The following SLC17A9 variants were observed in gnomAD, a reference collection of about 807,000 sequenced individuals.
The protein encoded by SLC17A9 is solute carrier family 17 member 9.
Under a neutral mutation model 55.0 loss-of-function variants are expected in SLC17A9, and 49 were observed. That is an observed-to-expected ratio of 0.89 (90% CI 0.71 to 1.13). The LOEUF is 1.13. Among genes scored for constraint, SLC17A9 ranks in the 50% most tolerant of loss-of-function variants. The pLI is 0.00. For missense variants in SLC17A9, 526 were observed against 569.3 expected (o/e 0.92, Z 0.77); for synonymous variants, 256 against 247.4 (o/e 1.03, Z -0.32).
intron 1 of SLC17A9, among the ~76,000 whole-genome samples, chr20:62,954,142 C>T (rs865919033): frequency 1.7e-5 from 2 of 116,726 alleles, no homozygotes; most frequent in South Asian, 2.6e-4. Flanking sequence ...GCCTTCACTA[C>T]GTCCCTCCCA....
chr20:62,955,368 G>A (rs965275804), intron 1 of SLC17A9, among the ~76,000 whole-genome samples: 11 of 151,932 alleles, frequency 7.2e-5, no homozygotes, highest in Non-Finnish European at 1.6e-4. Flanking sequence ...GGCTGGTCTC[G>A]AACTCCTGAC....
chr20:62,965,272 C>T lies in SLC17A9; in HGVS notation c.945+106C>T, dbSNP rs554172529. On this transcript the variant is annotated intron_variant, in intron 9 of 12. Coordinates refer to ENST00000370351, the MANE Select transcript of SLC17A9 (RefSeq NM_022082.4). ...AAGTCACCTGATATCTGGGACCAGG[C>T]AAATGCCAGGCCTCTCCATGTGTCC... is the stretch of plus-strand genomic sequence containing the variant. 2.1e-6 allele frequency: 3 copies of T among 1,443,042 alleles called. No homozygotes were observed. The Admixed American group carries it at 5.1e-5, about 25-fold the overall frequency. 89.4% of individuals were successfully genotyped at this position (1,443,042 alleles called of 1,614,324 possible).
intron 10 of SLC17A9, 42 bp downstream of exon 10, chr20:62,965,767 C>A (rs750554770): frequency 1.9e-6 from 3 of 1,585,442 alleles, no homozygotes; most frequent in Non-Finnish European, 2.6e-6. Flanking sequence ...CCGTGCTGCC[C>A]GCACGGCCGA....
At chr20:62,961,436 C>T (rs1002394748) in intron 4 of SLC17A9, among the ~76,000 whole-genome samples, 5 of 152,304 alleles carry the variant, frequency 3.3e-5, no homozygotes, top group Admixed American at 2.0e-4. Context: ...CTCCCTGCGC[C>T]CGCTCCTTGG....
chr20:62,967,630 C>T lies in SLC17A9; in HGVS notation c.*130C>T. On this transcript the variant is annotated 3_prime_UTR_variant, in exon 13 of 13. Transcript: ENST00000370351. ...AGAGGAACACAAACCACTGTGGAGC[C>T]TGAAGCTCCTTAAGAAGAGTCCACA... 1 of 582,220 alleles carries T rather than the reference C, an allele frequency of 1.7e-6. No individual in the cohort carries two copies. Among genetic ancestry groups the T allele is most frequent in the Non-Finnish European group, 2.5e-6 (1 of 396,652 alleles). 36.1% of individuals were successfully genotyped at this position (582,220 alleles called of 1,614,324 possible).
At chr20:62,957,046 T>C in intron 2 of SLC17A9, 84 bp downstream of exon 2, 7 of 1,585,158 alleles carry the variant, frequency 4.4e-6, no homozygotes, top group Non-Finnish European at 6.0e-6. Context: ...GCTGTGCTGC[T>C]GCACGCAGAG....
intron 3 of SLC17A9, among the ~76,000 whole-genome samples, chr20:62,959,293 C>T (rs116479159): frequency 0.022 from 3,280 of 152,318 alleles, 117 homozygotes; most frequent in African/African-American, 0.074. Flanking sequence ...CCCGTAGGCT[C>T]GCTGCCGCTC....
At chr20:62,966,327 T>C (rs1388661243) in intron 10 of SLC17A9, among the ~76,000 whole-genome samples, 198 bp from the exon 11 acceptor site, 1 of 145,070 alleles carries the variant, frequency 6.9e-6, no homozygotes, top group Non-Finnish European at 1.5e-5. Flanking sequence ...GCTGCAGTGC[T>C]CTGGCCAGTG....
chr20:62,954,886 A>G lies in SLC17A9; in HGVS notation c.60-1879A>G, dbSNP rs563653954. ...CTCAATGGGGGTGAGGATCAGTGCAACTGAGCTTTCTGCTGTTTCTAGCTA... is the reference window on the plus strand; with the variant it reads ...CTCAATGGGGGTGAGGATCAGTGCAGCTGAGCTTTCTGCTGTTTCTAGCTA... On this transcript the variant is annotated intron_variant, in intron 1 of 12. Coordinates refer to ENST00000370351, the MANE Select transcript of SLC17A9 (RefSeq NM_022082.4). Among the ~76,000 whole-genome samples, 229 of 152,334 alleles carry G rather than the reference A, an allele frequency of 1.5e-3. 3 individuals carry two copies. Among genetic ancestry groups the G allele is most frequent in the Middle Eastern group, 0.014 (4 of 294 alleles).
At chr20:62,959,881 C>T (rs1222460051) in intron 3 of SLC17A9, among the ~76,000 whole-genome samples, 1 of 152,226 alleles carries the variant, frequency 6.6e-6, no homozygotes, top group African/African-American at 2.4e-5. Context: ...AGGTCAGGCT[C>T]AGAGCCCTCT....
At position 62,953,858 on chromosome 20, in the gene SLC17A9, C is replaced by T. The variant is rs1210388334; in HGVS notation, c.59+969C>T. On this transcript the variant is annotated intron_variant, in intron 1 of 12. Coordinates refer to ENST00000370351, the MANE Select transcript of SLC17A9 (RefSeq NM_022082.4). Reference sequence around the variant, plus strand: ...GGCTGCATGGGAAAAGCTGGCAGCCCAGATCACAGCCCTGTCAGGCGCCAA... The same window carrying T: ...GGCTGCATGGGAAAAGCTGGCAGCCTAGATCACAGCCCTGTCAGGCGCCAA... Among the ~76,000 whole-genome samples, 6 of 152,366 alleles carry T rather than the reference C, an allele frequency of 3.9e-5. No homozygotes were observed. The East Asian group carries it at 1.2e-3, about 29-fold the overall frequency.
At position 62,965,163 on chromosome 20, in the gene SLC17A9, G is replaced by A. The variant is rs1373991823; in HGVS notation, c.942G>A (p.Met314Ile). 13 of 1,614,142 alleles carry A rather than the reference G, an allele frequency of 8.1e-6. No homozygotes were observed. Among genetic ancestry groups the A allele is most frequent in the Non-Finnish European group, 1.0e-5 (12 of 1,180,040 alleles). The change falls in exon 9 of 13, where the codon ATG (methionine) becomes ATA (isoleucine). Residue 314 changes from methionine to isoleucine, a missense_variant. Coordinates refer to ENST00000370351, the MANE Select transcript of SLC17A9 (RefSeq NM_022082.4). The stretch of plus-strand genomic sequence containing the variant: ...GAGCCATCACGGTGCGGAAGCTCAT[G>A]CAGGTAGGAGAATCATTCCGGTCGT... ...GYRAITVRKL[M>I]QGMGLGLSSV...
Position 62,965,703 on chromosome 20 carries a change from G to T in SLC17A9, c.1039G>T (p.Gly347Cys). The T allele has an allele frequency of 6.2e-7, 1 of 1,613,812 alleles. No individual in the cohort carries two copies. The highest frequency in any genetic ancestry group is 8.5e-7 in the Non-Finnish European group (1 of 1,179,992). Reference protein sequence around the residue: ...ESVVFASASIGLQTFNHSGIS... With the variant: ...ESVVFASASICLQTFNHSGIS... ...TGTGGTCTTTGCATCAGCCTCCATC[G>T]GCCTCCAGACCTTCAACCACAGGTG... The change falls in exon 10 of 13, where the codon GGC becomes TGC. Residue 347 changes from glycine (G) to cysteine (C), a missense_variant. Transcript: ENST00000370351.
intron 3 of SLC17A9, among the ~76,000 whole-genome samples, chr20:62,959,341 T>A (rs1030671621): frequency 1.3e-5 from 2 of 152,200 alleles, no homozygotes; most frequent in African/African-American, 4.8e-5. Flanking sequence ...CTTGTTGTGC[T>A]ACGATGACTT....
intron 8 of SLC17A9, among the ~76,000 whole-genome samples, chr20:62,964,735 A>T (rs1212424156): frequency 6.6e-6 from 1 of 152,252 alleles, no homozygotes; most frequent in Non-Finnish European, 1.5e-5. Context: ...ACGCGTGCCC[A>T]CATGCTCTCT....
At position 62,963,297 on chromosome 20, in the gene SLC17A9, T is replaced by C; in HGVS notation, c.653T>C (p.Leu218Pro). The C allele has an allele frequency of 6.2e-7, 1 of 1,613,852 alleles. No homozygotes were observed. Among genetic ancestry groups the C allele is most frequent in the Non-Finnish European group, 8.5e-7 (1 of 1,180,036 alleles). The change falls in exon 6 of 13, where the codon CTG (leucine) becomes CCG (proline). Residue 218 changes from leucine to proline, a missense_variant. Physicochemically the swap from Leu to Pro is moderately conservative, Grantham distance 98. Transcript: ENST00000370351. Reference sequence around the variant, plus strand: ...GATCTCATCCTGGCCTTGGGTGTCCTGGCCCAAAGCCGGCCGGTGTCCAGG... The same window carrying C: ...GATCTCATCCTGGCCTTGGGTGTCCCGGCCCAAAGCCGGCCGGTGTCCAGG... ...EKDLILALGVLAQSRPVSRHN... is the reference protein window; with the variant it reads ...EKDLILALGVPAQSRPVSRHN...
Position 62,964,242 on chromosome 20 carries a change from C to T in SLC17A9, c.837C>T (p.Asn279=), listed in dbSNP as rs367866107. 1.3e-5 allele frequency: 21 copies of T among 1,614,192 alleles called. No individual in the cohort carries two copies. Among genetic ancestry groups the T allele is most frequent in the African/African-American group, 5.3e-5 (4 of 75,062 alleles). The change falls in exon 8 of 13, where the codon AAC becomes AAT. Residue 279 remains asparagine, a synonymous_variant. Transcript: ENST00000370351. The part of the protein sequence containing the change: ...TFPDAKGWIF[N]VVPWLVAIPA... Reference sequence around the variant, plus strand: ...CCCCCCTGCAGGGCTGGATCTTCAACGTGGTTCCTTGGTTGGTGGCGATTC... The same window carrying T: ...CCCCCCTGCAGGGCTGGATCTTCAATGTGGTTCCTTGGTTGGTGGCGATTC...
In SLC17A9 at chr20:62,969,007, G is replaced by A. The variant is rs886181202; in HGVS notation, c.*1507G>A. 3.9e-5 allele frequency: 6 copies of A among 152,296 alleles called. No homozygotes were observed. Among genetic ancestry groups the A allele is most frequent in the Non-Finnish European group, 5.9e-5 (4 of 68,090 alleles). The allele number at this position is 152,296 out of a possible 1,614,324, so 9.4% of individuals were successfully genotyped here. A position where few individuals can be genotyped will look rare whatever the true frequency, so the allele number is the denominator to read the frequency against. On this transcript the variant is annotated 3_prime_UTR_variant, in exon 13 of 13. Coordinates refer to ENST00000370351, the MANE Select transcript of SLC17A9 (RefSeq NM_022082.4). ...TGTGGCACCATGGGTACAGCCTAGA[G>A]CATCACCCCCACAGAGGCTTCGGGA... is the stretch of plus-strand genomic sequence containing the variant.
chr20:62,955,776 C>T (rs1042717159), intron 1 of SLC17A9, among the ~76,000 whole-genome samples: 9 of 152,218 alleles, frequency 5.9e-5, no homozygotes, highest in African/African-American at 1.4e-4. Flanking sequence ...GTATCAACCA[C>T]GCCAGGACAG....
Sources: allele counts gnomAD v4.1 joint callset (sites outside exome capture counted in the v4.1 genomes callset), GRCh38; gene constraint gnomAD v4.1.1; transcripts MANE v1.5; gene names NCBI Gene and HGNC (gene_info 2026-07-23, HGNC 2026-07-21).